HDAC7: variants seen among roughly 807,000 people sequenced by gnomAD.
The protein encoded by HDAC7 is histone deacetylase 7.
HDAC7 carries 26 observed loss-of-function variants against 115.5 expected under a neutral mutation model. The observed-to-expected ratio is 0.23, with a 90% CI of 0.16 to 0.31. The LOEUF (loss-of-function observed/expected upper bound fraction) is 0.31. HDAC7 is among the 10% of genes least tolerant of loss of function. HDAC7 has a pLI of 1.00. For synonymous variants in HDAC7, 564 were observed against 550.9 expected (o/e 1.02, Z -0.33); for missense variants, 1,068 against 1,329.0 (o/e 0.80, Z 3.05).
intron 15 of HDAC7, 28 bp from the exon 16 acceptor site, chr12:47,791,336 G>A (rs1289957434): frequency 6.4e-7 from 1 of 1,553,296 alleles, no homozygotes; most frequent in Non-Finnish European, 8.7e-7. Context: ...GCCCACGTCA[G>A]CGTGAATACT....
intron 16 of HDAC7, 178 bp downstream of exon 16, chr12:47,791,081 A>T: frequency 4.6e-6 from 3 of 658,292 alleles, no homozygotes; most frequent in South Asian, 3.5e-5. Flanking sequence ...TGGGTCCGAG[A>T]CACGCCTGTC....
chr12:47,789,957 G>T (rs764426445), intron 16 of HDAC7, 37 bp from the exon 17 acceptor site: 2 of 1,485,242 alleles, frequency 1.3e-6, no homozygotes, highest in South Asian at 2.3e-5. Flanking sequence ...ATCATCCAAG[G>T]CTTCACACAG....
chr12:47,796,320 A>G (rs368094172), intron 7 of HDAC7, 22 bp from the exon 8 acceptor site: 1 of 1,570,462 alleles, frequency 6.4e-7, no homozygotes, highest in Non-Finnish European at 8.6e-7. Context: ...GGAGAGAGGG[A>G]AGTGCAGTCA....
chr12:47,799,182 G>A (rs1460831177), intron 2 of HDAC7: 2 of 538,302 alleles, frequency 3.7e-6, no homozygotes, highest in Non-Finnish European at 6.5e-6. Context: ...CATGAACTGT[G>A]CACAGTAACA....
chr12:47,798,513 G>GGCACCT lies in HDAC7; in HGVS notation c.349+43_349+48dup. On this transcript the variant is annotated intron_variant, in intron 4 of 25. Transcript: ENST00000080059. The surrounding 1 kb of genome is among the most constrained non-coding windows in gnomAD (Gnocchi z 4.3). ...CTCACAAGCCACACAGGCAGCCGCA[G>GGCACCT]GCACCTGGCTGGTGGGGCTGGGCTG... 6.4e-7 allele frequency: 1 copy of GGCACCT among 1,552,578 alleles called. No homozygotes were observed. Among genetic ancestry groups the GGCACCT allele is most frequent in the Non-Finnish European group, 8.9e-7 (1 of 1,126,986 alleles).
At position 47,791,620 on chromosome 12, in the gene HDAC7, G is replaced by A. The variant is rs1211318932; in HGVS notation, c.1899C>T (p.Leu633=). The A allele has an allele frequency of 8.7e-6, 14 of 1,610,272 alleles. No homozygotes were observed. Among genetic ancestry groups the A allele is most frequent in the Admixed American group, 1.7e-5 (1 of 59,584 alleles). ...TCCCGTTGTCCAGTTTGAGGCGGCT[G>A]AGCGGGTTGGTGCCGTAGAGGAGCA... ...RHVLLYGTNP[L]SRLKLDNGKL... is the part of the protein sequence containing the mutation. The change falls in exon 15 of 26, where the codon CTC becomes CTT. Residue 633 remains leucine, a synonymous_variant. Transcript: ENST00000080059.
intron 1 of HDAC7, among the ~76,000 whole-genome samples, chr12:47,804,670 G>A (rs564100976): frequency 5.4e-4 from 82 of 152,238 alleles, no homozygotes; most frequent in African/African-American, 1.9e-3. Context: ...ACTGCAGTCA[G>A]ACTTAAGAAC....
Position 47,797,034 on chromosome 12 carries a change from GGCC to G in HDAC7, c.683_685del (p.Arg228del). 1 of 1,573,714 alleles carries G rather than the reference GGCC, an allele frequency of 6.4e-7. No individual in the cohort carries two copies. The highest frequency in any genetic ancestry group is 8.6e-7 in the Non-Finnish European group (1 of 1,162,998). ...GCCCTCACCTCCGAGGGTCTCTGCG[GGCC>G]GCCGCCGGAGGCTGGGGGGCGCACT... On this transcript the variant is annotated inframe_deletion, in exon 7 of 26. Transcript: ENST00000080059. This position sits in a 1 kb window ranked among gnomAD's most constrained non-coding sequence, Gnocchi z 5.5.
chr12:47,799,246 T>C (rs1944046427), intron 2 of HDAC7: 1 of 396,732 alleles, frequency 2.5e-6, no homozygotes. Flanking sequence ...ACAGTGCTCC[T>C]CCACTAAACA....
chr12:47,789,918 C>T lies in HDAC7; in HGVS notation c.1986G>A (p.Val662=), dbSNP rs771747667. 1.9e-6 allele frequency: 3 copies of T among 1,610,442 alleles called. No homozygotes were observed. The highest frequency in any genetic ancestry group is 2.5e-6 in the Non-Finnish European group (3 of 1,177,304). ...GCTCATTCCAGATGGTGTCAGTGTC[C>T]ACCTGCGGGAGCCAGAGTCAGGGCC... The part of the protein sequence containing the change: ...FVMLPCGGVG[V]DTDTIWNELH... The change falls in exon 17 of 26, where the codon GTG becomes GTA. Residue 662 remains valine, a splice_region_variant and synonymous_variant. Transcript: ENST00000080059.
At chr12:47,792,217 G>A in intron 13 of HDAC7, 1 of 581,126 alleles carries the variant, frequency 1.7e-6, no homozygotes, top group Non-Finnish European at 3.0e-6. Flanking sequence ...ACTTCCCCAG[G>A]TGGCAGCAGC....
Position 47,819,750 on chromosome 12 carries a change from GGCC to G in HDAC7, c.19+14_19+16del. The G allele has an allele frequency of 1.2e-6, 1 of 843,154 alleles. No homozygotes were observed. Among genetic ancestry groups the G allele is most frequent in the Non-Finnish European group, 1.5e-6 (1 of 689,358 alleles). 52.2% of individuals were successfully genotyped at this position (843,154 alleles called of 1,614,324 possible). ...CCGCGCGCAGGGCGGGGCGGGGGGC[GGCC>G]GCCCAGTACTCACCAGCGCCGGGGC... is the stretch of plus-strand genomic sequence containing the variant. On this transcript the variant is annotated intron_variant, in intron 1 of 25. Transcript: ENST00000080059.
intron 1 of HDAC7, among the ~76,000 whole-genome samples, chr12:47,809,895 A>C (rs1944576850): frequency 6.6e-6 from 1 of 151,784 alleles, no homozygotes; most frequent in Non-Finnish European, 1.5e-5. Context: ...TAATTGTACT[A>C]TTGCAAGTAG....
At chr12:47,785,680 C>T (rs3815130) in intron 23 of HDAC7, 72 bp downstream of exon 23, 461,649 of 1,514,602 alleles carry the variant, frequency 0.3, 72,934 homozygotes, top group Admixed American at 0.52. Context: ...CATCTGCCTG[C>T]TCCTTGGGTA....
intron 2 of HDAC7, among the ~76,000 whole-genome samples, chr12:47,799,317 T>C (rs1360691908): frequency 6.6e-6 from 1 of 152,132 alleles, no homozygotes; most frequent in Non-Finnish European, 1.5e-5. Context: ...GCAGATCCTA[T>C]GGTAGGACAT....
At chr12:47,792,472 C>A in intron 13 of HDAC7, 1 of 339,414 alleles carries the variant, frequency 2.9e-6, no homozygotes, top group Non-Finnish European at 5.9e-6. Context: ...GCTAAGAAGC[C>A]CACGATGACA....
intron 1 of HDAC7, 63 bp from the exon 2 acceptor site, chr12:47,802,337 AAAG>A (rs1944208823): frequency 1.9e-6 from 3 of 1,568,048 alleles, no homozygotes; most frequent in South Asian, 1.1e-5. Context: ...AGCAGGAAGG[AAAG>A]AAGGTCAAGC....
Position 47,786,601 on chromosome 12 carries a change from G to A in HDAC7, c.2556C>T (p.Tyr852=), listed in dbSNP as rs944749898. 1.1e-5 allele frequency: 17 copies of A among 1,612,778 alleles called. No individual in the cohort carries two copies. The highest frequency in any genetic ancestry group is 1.3e-5 in the Non-Finnish European group (15 of 1,179,034). Reference sequence around the variant, plus strand: ...CTCCCTTACATTTGGCAGAAACATGGTAGCCACCCAGTGGGGCCGGGTGAC... The same window carrying A: ...CTCCCTTACATTTGGCAGAAACATGATAGCCACCCAGTGGGGCCGGGTGAC... ...AEGHPAPLGG[Y]HVSAKCFGYM... The change falls in exon 22 of 26, where the codon TAC becomes TAT. Residue 852 remains tyrosine (Y), a synonymous_variant. Coordinates refer to ENST00000080059, the MANE Select transcript of HDAC7 (RefSeq NM_015401.5).
Position 47,797,533 on chromosome 12 carries a change from G to A in HDAC7, c.462-34C>T. 6.6e-7 allele frequency: 1 copy of A among 1,514,838 alleles called. No homozygotes were observed. The highest frequency in any genetic ancestry group is 9.1e-7 in the Non-Finnish European group (1 of 1,101,598). 93.8% of individuals were successfully genotyped at this position (1,514,838 alleles called of 1,614,324 possible). ...CGAGTGCCAAGGCTGCTTCAGAGGT[G>A]TGGGGACACTGCACGGGCACTGCCC... On this transcript the variant is annotated intron_variant, in intron 5 of 25. Coordinates refer to ENST00000080059, the MANE Select transcript of HDAC7 (RefSeq NM_015401.5). This position sits in a 1 kb window ranked among gnomAD's most constrained non-coding sequence, Gnocchi z 5.5.
Sources: gnomAD v4.1 joint callset for allele counts (sites outside exome capture counted in the v4.1 genomes callset) on GRCh38, gnomAD v4.1.1 for gene constraint, Gnocchi (gnomAD v3.1) non-coding constraint, MANE v1.5 for transcripts, NCBI Gene and HGNC (gene_info 2026-07-23, HGNC 2026-07-21) for gene names.